The following KCNMB2 variants were observed in gnomAD, a reference collection of about 807,000 sequenced individuals.
The protein encoded by KCNMB2 is calcium-activated potassium channel subunit beta-2.
Under a neutral mutation model 24.5 loss-of-function variants are expected in KCNMB2, and 9 were observed. That is an observed-to-expected ratio of 0.37 (90% CI 0.22 to 0.64). The LOEUF is 0.64. Among genes scored for constraint, KCNMB2 ranks in the 30% least tolerant of loss-of-function variants. The pLI is 0.63. For missense variants in KCNMB2, 226 were observed against 284.3 expected, an observed-to-expected ratio of 0.79 and a Z score of 1.47; for synonymous variants, 109 against 104.4, an observed-to-expected ratio of 1.04 and a Z score of -0.27.
intron 1 of KCNMB2, among the ~76,000 whole-genome samples, chr3:178,580,027 G>C (rs1717140292): frequency 6.6e-6 from 1 of 152,130 alleles, no homozygotes. Context: ...TATGAGACCA[G>C]CATCATCCTG....
At chr3:178,604,928 C>T (rs973237456) in intron 1 of KCNMB2, among the ~76,000 whole-genome samples, 35 of 152,142 alleles carry the variant, frequency 2.3e-4, no homozygotes, top group African/African-American at 6.0e-4. Flanking sequence ...ATACTCATAA[C>T]TGTGATATAA....
chr3:178,560,980 C>G (rs1716295961), intron 1 of KCNMB2, among the ~76,000 whole-genome samples: 2 of 152,172 alleles, frequency 1.3e-5, no homozygotes. Context: ...CAGAAGCACA[C>G]AGCAGAGTAT....
At chr3:178,644,397 A>C (rs1017750568) in intron 1 of KCNMB2, among the ~76,000 whole-genome samples, 1 of 152,206 alleles carries the variant, frequency 6.6e-6, no homozygotes, top group Non-Finnish European at 1.5e-5. Context: ...TTCAAAGTCC[A>C]TGTCCTCCAT....
intron 1 of KCNMB2, among the ~76,000 whole-genome samples, chr3:178,665,818 G>A (rs1029030754): frequency 2.6e-5 from 4 of 152,138 alleles, no homozygotes; most frequent in Admixed American, 6.6e-5. Context: ...ATAATGCCAG[G>A]AGAATAATAA....
intron 1 of KCNMB2, chr3:178,757,006 TG>T (rs890819590): frequency 6.6e-6 from 1 of 151,554 alleles, no homozygotes; most frequent in Non-Finnish European, 1.5e-5. Flanking sequence ...AAAGTGACAA[TG>T]AAAAAAAATT....
At chr3:178,621,922 T>C (rs989377246) in intron 1 of KCNMB2, among the ~76,000 whole-genome samples, 5 of 152,180 alleles carry the variant, frequency 3.3e-5, no homozygotes, top group Non-Finnish European at 5.9e-5. Context: ...AGGTTAAGCA[T>C]AGAATCTAGA....
intron 1 of KCNMB2, among the ~76,000 whole-genome samples, chr3:178,626,897 GTAAGTATATATA>G (rs889689561): frequency 2.7e-5 from 4 of 148,406 alleles, no homozygotes; most frequent in African/African-American, 9.8e-5. Context: ...TATATATATA[GTAAGTATATATA>G]TAAGTATATA....
chr3:178,598,199 T>C (rs1184870848), intron 1 of KCNMB2, among the ~76,000 whole-genome samples: 1 of 151,880 alleles, frequency 6.6e-6, no homozygotes, highest in Non-Finnish European at 1.5e-5. Flanking sequence ...AACTGGGGAG[T>C]AGTTCCGTAT....
At position 178,605,226 on chromosome 3, in the gene KCNMB2, T is replaced by G. The variant is rs527747554; in HGVS notation, c.-68+68515T>G. 2.6e-5 allele frequency among the ~76,000 whole-genome samples: 4 copies of G among 152,222 alleles called. No individual in the cohort carries two copies. In the South Asian group the frequency reaches 8.3e-4, roughly 32 times the overall value. The stretch of plus-strand genomic sequence containing the variant: ...CCCTTATAAAAGAGCTCTGAAGAGC[T>G]CTCTCACCCTCTTTCATCACATGAG... On this transcript the variant is annotated intron_variant, in intron 1 of 4. Coordinates refer to ENST00000452583, the MANE Select transcript of KCNMB2 (RefSeq NM_181361.3).
At chr3:178,791,623 T>A (rs930122628) in intron 1 of KCNMB2, among the ~76,000 whole-genome samples, 14 of 152,028 alleles carry the variant, frequency 9.2e-5, no homozygotes, top group African/African-American at 3.4e-4. Flanking sequence ...AATATTCAAG[T>A]ACAGGAAGGT....
chr3:178,598,282 A>G (rs1717950226), intron 1 of KCNMB2, among the ~76,000 whole-genome samples: 1 of 152,184 alleles, frequency 6.6e-6, no homozygotes, highest in Admixed American at 6.5e-5. Context: ...AGAGATAGCG[A>G]CATAGCGCCA....
chr3:178,828,925 CTGTGTGTGTG>C (rs71181254), intron 4 of KCNMB2, among the ~76,000 whole-genome samples: 22,733 of 142,740 alleles, frequency 0.16, 1,941 homozygotes, highest in Non-Finnish European at 0.2. Context: ...CCCATGGTCA[CTGTGTGTGTG>C]TGTGTGTGTG....
chr3:178,774,831 A>T (rs778192980), intron 1 of KCNMB2, among the ~76,000 whole-genome samples: 6 of 152,230 alleles, frequency 3.9e-5, no homozygotes, highest in Non-Finnish European at 4.4e-5. Flanking sequence ...CAACAGTTTA[A>T]ATACCATTTT....
intron 1 of KCNMB2, among the ~76,000 whole-genome samples, chr3:178,658,918 C>T (rs1302731662): frequency 6.6e-6 from 1 of 152,154 alleles, no homozygotes; most frequent in African/African-American, 2.4e-5. Flanking sequence ...ACATGAATGA[C>T]ATACTTGAGA....
chr3:178,546,559 T>A (rs542740352), intron 1 of KCNMB2, among the ~76,000 whole-genome samples: 14 of 152,316 alleles, frequency 9.2e-5, no homozygotes, highest in South Asian at 2.1e-4. Flanking sequence ...TCATTCTCCA[T>A]CCTACTACCC....
intron 1 of KCNMB2, among the ~76,000 whole-genome samples, chr3:178,743,952 A>G (rs560592649): frequency 2.6e-5 from 4 of 152,326 alleles, no homozygotes; most frequent in African/African-American, 9.6e-5. Context: ...ATTTCTGGAG[A>G]TTTGTGAAAT....
In KCNMB2 at chr3:178,765,617, G is replaced by T. The variant is rs542139417; in HGVS notation, c.-67-41726G>T. Among the ~76,000 whole-genome samples, 117 of 86,140 alleles carry T rather than the reference G, an allele frequency of 1.4e-3. 2 individuals are homozygous for T. The highest frequency in any genetic ancestry group is 6.3e-3 in the Middle Eastern group (1 of 158). 56.5% of individuals were successfully genotyped at this position (86,140 alleles called of 152,430 possible). A position where few individuals can be genotyped will look rare whatever the true frequency, so the allele number is the denominator to read the frequency against. On this transcript the variant is annotated intron_variant, in intron 1 of 4. Transcript: ENST00000452583. ...TTCTAGATCAGTTCTGCTAGAATTT[G>T]TGTGTGTGTGTGCACGCGCGTGTGC...
At chr3:178,539,379 C>T (rs1158193643) in intron 1 of KCNMB2, among the ~76,000 whole-genome samples, 3 of 152,012 alleles carry the variant, frequency 2.0e-5, no homozygotes, top group African/African-American at 7.2e-5. Context: ...CTCAGTGAGG[C>T]GGAATTGGTG....
chr3:178,757,313 C>G (rs1215565521), intron 1 of KCNMB2, among the ~76,000 whole-genome samples: 1 of 95,516 alleles, frequency 1.0e-5, no homozygotes, highest in African/African-American at 4.0e-5. Flanking sequence ...TATATCCATC[C>G]AAGAGGACAT....
Sources: gnomAD v4.1 joint callset for allele counts (sites outside exome capture counted in the v4.1 genomes callset) on GRCh38, gnomAD v4.1.1 for gene constraint, MANE v1.5 for transcripts, NCBI Gene and HGNC (gene_info 2026-07-23, HGNC 2026-07-21) for gene names.